The following LRFN5 variants were observed in gnomAD, a reference collection of about 807,000 sequenced individuals.
LRFN5 encodes the protein leucine-rich repeat and fibronectin type-III domain-containing protein 5.
Under a neutral mutation model 45.6 loss-of-function variants are expected in LRFN5, and 24 were observed. The observed-to-expected ratio is 0.53, with a 90% CI of 0.38 to 0.74. LRFN5 has a LOEUF of 0.74. Among genes scored for constraint, LRFN5 ranks in the 30% least tolerant of loss-of-function variants. LRFN5 has a pLI of 0.00. For synonymous variants in LRFN5, 340 were observed against 313.8 expected (o/e 1.08, Z -0.88); for missense variants, 776 against 861.5 (o/e 0.90, Z 1.24).
chr14:41,820,443 A>G (rs1030188170), intron 2 of LRFN5, among the ~76,000 whole-genome samples: 12 of 151,894 alleles, frequency 7.9e-5, no homozygotes, highest in Non-Finnish European at 1.2e-4. Context: ...TTCATTTCTG[A>G]GTTCCTTATT....
intron 1 of LRFN5, among the ~76,000 whole-genome samples, chr14:41,694,783 GAT>G (rs1882531105): frequency 6.6e-6 from 1 of 151,832 alleles, no homozygotes; most frequent in Non-Finnish European, 1.5e-5. Context: ...TGTGGTCAAT[GAT>G]ATTTGGTGTT....
chr14:41,858,785 T>G (rs1889561809), intron 2 of LRFN5, among the ~76,000 whole-genome samples: 1 of 152,184 alleles, frequency 6.6e-6, no homozygotes, highest in Non-Finnish European at 1.5e-5. Flanking sequence ...AAAATCATGA[T>G]TAACCCTGAA....
Position 41,661,900 on chromosome 14 carries a change from T to A in LRFN5, c.-197+53338T>A, listed in dbSNP as rs529873419. 3.7e-4 allele frequency among the ~76,000 whole-genome samples: 56 copies of A among 152,178 alleles called. 1 individual carries two copies. The highest frequency in any genetic ancestry group is 1.3e-3 in the African/African-American group (53 of 41,546). On this transcript the variant is annotated intron_variant, in intron 1 of 5. Transcript: ENST00000298119. ...CATAAGGGGTTATTATAGAAGTTAA[T>A]ATGTGTACTTAGCACTGATTAAAAG...
At chr14:41,850,530 G>A (rs750692638) in intron 2 of LRFN5, among the ~76,000 whole-genome samples, 2 of 151,676 alleles carry the variant, frequency 1.3e-5, no homozygotes, top group African/African-American at 4.8e-5. Flanking sequence ...AATATTATGG[G>A]ACTACATACC....
intron 1 of LRFN5, among the ~76,000 whole-genome samples, chr14:41,625,481 C>A (rs1056541047): frequency 1.3e-5 from 2 of 152,084 alleles, no homozygotes; most frequent in Non-Finnish European, 2.9e-5. Context: ...GTCAGTTAAA[C>A]CTCCTTATAA....
At chr14:41,886,019 C>CACAAAAA (rs1555329599) in intron 2 of LRFN5, among the ~76,000 whole-genome samples, 1 of 88,790 alleles carries the variant, frequency 1.1e-5, no homozygotes, top group African/African-American at 4.7e-5. Flanking sequence ...AGGCTCGTCT[C>CACAAAAA]AAAAAAAAAA....
At chr14:41,666,460 G>T (rs1162643275) in intron 1 of LRFN5, among the ~76,000 whole-genome samples, 1 of 152,038 alleles carries the variant, frequency 6.6e-6, no homozygotes, top group Non-Finnish European at 1.5e-5. Flanking sequence ...CATTCTGGAT[G>T]AATATTTCAA....
chr14:41,890,179 G>T (rs1448325309), intron 3 of LRFN5, among the ~76,000 whole-genome samples: 1 of 152,066 alleles, frequency 6.6e-6, no homozygotes, highest in African/African-American at 2.4e-5. Context: ...CTGGAATTAG[G>T]TGATATTAGA....
intron 5 of LRFN5, among the ~76,000 whole-genome samples, chr14:41,902,993 C>T (rs1354439409): frequency 6.6e-6 from 1 of 151,466 alleles, no homozygotes; most frequent in Non-Finnish European, 1.5e-5. Context: ...ATAATAATAT[C>T]TATATTTCAG....
Position 41,610,661 on chromosome 14 carries a change from T to TAAAAAAAAAAAAAAAAAAAAAAAAAAAAA in LRFN5, c.-197+2121_-197+2122insAAAAAAAAAAAAAAAAAAAAAAAAAAAAA, listed in dbSNP as rs199770856. On this transcript the variant is annotated intron_variant, in intron 1 of 5. Transcript: ENST00000298119. ...TACCCCTCTGAGGTCCCAGGGAAGG[T>TAAAAAAAAAAAAAAAAAAAAAAAAAAAAA]AAAAAAAAAAAAAAAAAAAAAAGTG... Among the ~76,000 whole-genome samples, 72 of 37,324 alleles carry TAAAAAAAAAAAAAAAAAAAAAAAAAAAAA rather than the reference T, an allele frequency of 1.9e-3. 13 individuals are homozygous for TAAAAAAAAAAAAAAAAAAAAAAAAAAAAA. Among genetic ancestry groups the TAAAAAAAAAAAAAAAAAAAAAAAAAAAAA allele is most frequent in the Non-Finnish European group, 3.4e-3 (50 of 14,714 alleles). 24.5% of individuals were successfully genotyped at this position (37,324 alleles called of 152,430 possible). A position where few individuals can be genotyped will look rare whatever the true frequency, so the allele number is the denominator to read the frequency against.
chr14:41,825,147 G>A (rs991737811), intron 2 of LRFN5, among the ~76,000 whole-genome samples: 2 of 152,172 alleles, frequency 1.3e-5, no homozygotes, highest in African/African-American at 4.8e-5. Context: ...TAGAAAGGGG[G>A]AAGGACCGTG....
chr14:41,677,344 C>A (rs1426415007), intron 1 of LRFN5, among the ~76,000 whole-genome samples: 1 of 152,002 alleles, frequency 6.6e-6, no homozygotes, highest in African/African-American at 2.4e-5. Context: ...ATAAAGCATT[C>A]AAAGGAACAG....
At chr14:41,782,754 C>T (rs922051009) in intron 2 of LRFN5, among the ~76,000 whole-genome samples, 3 of 151,970 alleles carry the variant, frequency 2.0e-5, no homozygotes, top group African/African-American at 7.3e-5. Flanking sequence ...TATTTTTGTC[C>T]CTCTTCTCAC....
intron 1 of LRFN5, among the ~76,000 whole-genome samples, chr14:41,745,543 A>T (rs1392928918): frequency 6.6e-6 from 1 of 152,070 alleles, no homozygotes. Context: ...TGGAGCAGAG[A>T]TCATTGAAAT....
chr14:41,635,891 A>T (rs1031013889), intron 1 of LRFN5, among the ~76,000 whole-genome samples: 1 of 152,120 alleles, frequency 6.6e-6, no homozygotes, highest in South Asian at 2.1e-4. Flanking sequence ...CTAATTCTTA[A>T]AGAGCTCCAT....
Position 41,759,016 on chromosome 14 carries a change from T to C in LRFN5, c.-196-7838T>C, listed in dbSNP as rs76781534. ...ATGCTGCAGGGCATACAATTATTCA[T>C]ATTATATTCCTGGACCTCAAAGAGC... On this transcript the variant is annotated intron_variant, in intron 1 of 5. Coordinates refer to ENST00000298119, the MANE Select transcript of LRFN5 (RefSeq NM_152447.5). Among the ~76,000 whole-genome samples the C allele has an allele frequency of 1.1e-3, 164 of 152,250 alleles. 1 individual carries two copies. In the East Asian group the frequency reaches 0.027, roughly 25 times the overall value.
intron 1 of LRFN5, among the ~76,000 whole-genome samples, chr14:41,714,209 G>A (rs1015104357): frequency 6.6e-6 from 1 of 152,282 alleles, no homozygotes; most frequent in South Asian, 2.1e-4. Context: ...CAAAGGAACA[G>A]AGACTTGAGA....
intron 2 of LRFN5, among the ~76,000 whole-genome samples, chr14:41,872,328 T>C (rs1411462343): frequency 6.6e-6 from 1 of 152,220 alleles, no homozygotes; most frequent in Non-Finnish European, 1.5e-5. Context: ...ACAAAAAGTA[T>C]CTAAAGTATC....
At chr14:41,637,117 C>A (rs970052221) in intron 1 of LRFN5, among the ~76,000 whole-genome samples, 2 of 152,106 alleles carry the variant, frequency 1.3e-5, no homozygotes, top group Non-Finnish European at 2.9e-5. Context: ...ATTCCATTTC[C>A]AGTTCATTCT....
Sources: gnomAD v4.1 joint callset for allele counts (sites outside exome capture counted in the v4.1 genomes callset) on GRCh38, gnomAD v4.1.1 for gene constraint, MANE v1.5 for transcripts, NCBI Gene and HGNC (gene_info 2026-07-23, HGNC 2026-07-21) for gene names.